Variants in ACACB observed in about 807,000 individuals in gnomAD.
ACACB encodes the protein acetyl-CoA carboxylase beta.
Under a neutral mutation model 278.8 loss-of-function variants are expected in ACACB, and 209 were observed. The ratio of observed to expected loss-of-function variants is 0.75; its 90% CI spans 0.67 to 0.84. The LOEUF (loss-of-function observed/expected upper bound fraction) is 0.84, where lower values mean the gene tolerates loss of function less well. Among genes scored for constraint, ACACB ranks in the 40% least tolerant of loss-of-function variants. The pLI, the probability that ACACB is intolerant of heterozygous loss-of-function variation, is 0.00. For missense variants in ACACB, 2,850 were observed against 3,269.0 expected (o/e 0.87, Z 3.13); for synonymous variants, 1,174 against 1,285.6 (o/e 0.91, Z 1.86).
At position 109,174,065 on chromosome 12, in the gene ACACB, G is replaced by A. The variant is rs543757203; in HGVS notation, c.1118-67G>A. On this transcript the variant is annotated intron_variant, in intron 6 of 52. Coordinates refer to ENST00000338432, the MANE Select transcript of ACACB (RefSeq NM_001093.4). The stretch of plus-strand genomic sequence containing the variant: ...TGGCCCCACCACCGTGCACTCGGTC[G>A]GCCTTCAGCCTCGAGGGTCTTGTGA... The A allele has an allele frequency of 1.1e-4, 156 of 1,396,314 alleles. No individual in the cohort carries two copies. The African/African-American group carries it at 1.4e-3, about 13-fold the overall frequency. 86.5% of individuals were successfully genotyped at this position (1,396,314 alleles called of 1,614,324 possible).
intron 31 of ACACB, among the ~76,000 whole-genome samples, chr12:109,234,773 G>A (rs2046583701): frequency 6.6e-6 from 1 of 151,768 alleles, no homozygotes; most frequent in African/African-American, 2.4e-5. Context: ...GCAGAGGGAG[G>A]GTAACAACGC....
At position 109,199,491 on chromosome 12, in the gene ACACB, C is replaced by CA; in HGVS notation, c.2718dup (p.Gln907ThrfsTer11). ...AGATCCCCCTCGGCTGGGAAGCTGA[C>CA]ACAGTACACAGTGGAGGATGGGGGC... On this transcript the variant is annotated frameshift_variant, in exon 18 of 53. Coordinates refer to ENST00000338432, the MANE Select transcript of ACACB (RefSeq NM_001093.4). LOFTEE classifies it high-confidence loss of function. The CA allele has an allele frequency of 1.3e-6, 2 of 1,563,008 alleles. No homozygotes were observed. Among genetic ancestry groups the CA allele is most frequent in the South Asian group, 2.4e-5 (2 of 83,432 alleles).
At chr12:109,130,770 T>C (rs561948203) in intron 1 of ACACB, among the ~76,000 whole-genome samples, 3 of 152,272 alleles carry the variant, frequency 2.0e-5, no homozygotes, top group South Asian at 4.1e-4. Flanking sequence ...AAAAGGACAT[T>C]GCGCCACTTG....
At chr12:109,139,247 G>A (rs2136018691) in intron 1 of ACACB, 150 bp from the exon 2 acceptor site, 1 of 713,888 alleles carries the variant, frequency 1.4e-6, no homozygotes, top group Non-Finnish European at 2.3e-6. Flanking sequence ...CCTGTTTCAG[G>A]CAGAGCAGGG....
At chr12:109,132,321 C>T (rs1244889977) in intron 1 of ACACB, among the ~76,000 whole-genome samples, 6 of 152,092 alleles carry the variant, frequency 3.9e-5, no homozygotes, top group Admixed American at 2.0e-4. Flanking sequence ...TGCACCACCA[C>T]GCCCAGCTAA....
chr12:109,182,598 G>C (rs925339160), intron 11 of ACACB, among the ~76,000 whole-genome samples: 2 of 151,948 alleles, frequency 1.3e-5, no homozygotes, highest in Admixed American at 6.6e-5. Context: ...TCAAACTCTT[G>C]GGTTCAAGCA....
chr12:109,186,040 C>A (rs770049795), intron 12 of ACACB, among the ~76,000 whole-genome samples: 42 of 152,286 alleles, frequency 2.8e-4, no homozygotes, highest in Admixed American at 9.8e-4. Flanking sequence ...AAGCGATTCT[C>A]CTGCCTCAGT....
intron 22 of ACACB, among the ~76,000 whole-genome samples, chr12:109,215,728 C>T (rs558483932): frequency 2.6e-5 from 4 of 151,778 alleles, no homozygotes; most frequent in South Asian, 4.2e-4. Context: ...ATCGTGCCAC[C>T]GCACTCCAGC....
intron 37 of ACACB, among the ~76,000 whole-genome samples, chr12:109,243,934 C>T (rs1214286730): frequency 6.6e-6 from 1 of 150,856 alleles, no homozygotes; most frequent in East Asian, 1.9e-4. Flanking sequence ...TTCTAGGGTA[C>T]ATGTGCACAA....
At position 109,266,252 on chromosome 12, in the gene ACACB, C is replaced by A. The variant is rs762766039; in HGVS notation, c.7267C>A (p.Pro2423Thr). The A allele has an allele frequency of 1.2e-6, 2 of 1,613,084 alleles. No homozygotes were observed. Among genetic ancestry groups the A allele is most frequent in the Non-Finnish European group, 1.7e-6 (2 of 1,179,618 alleles). Residue 2423 changes from proline (P) to threonine (T), a missense_variant, in exon 53 of 53, where the codon CCC becomes ACC. Coordinates refer to ENST00000338432, the MANE Select transcript of ACACB (RefSeq NM_001093.4). ...CCCCCACAGCCTGGTTGAAGAAAAC[C>A]CCGAGGTGGCCGTGGACTGTGTGAT... is the stretch of plus-strand genomic sequence containing the variant. Reference protein sequence around the residue: ...KTIRGLVEENPEVAVDCVIYL... With the variant: ...KTIRGLVEENTEVAVDCVIYL...
At chr12:109,157,158 G>A (rs566041028) in intron 2 of ACACB, among the ~76,000 whole-genome samples, 164 of 152,182 alleles carry the variant, frequency 1.1e-3, no homozygotes, top group Non-Finnish European at 2.0e-3. Flanking sequence ...GGATTTGGAC[G>A]ATCTAACTTT....
chr12:109,113,829 G>C (rs2042353810), upstream of ACACB, among the ~76,000 whole-genome samples: 1 of 152,198 alleles, frequency 6.6e-6, no homozygotes, highest in Admixed American at 6.5e-5. Context: ...ACTTTGAAAA[G>C]ACCTCACATG....
chr12:109,202,203 G>A (rs1479305888), intron 19 of ACACB, among the ~76,000 whole-genome samples: 1 of 137,058 alleles, frequency 7.3e-6, no homozygotes, highest in Non-Finnish European at 1.6e-5. Flanking sequence ...TTTTAGTATA[G>A]TTTTAGATGT....
intron 7 of ACACB, 75 bp from the exon 8 acceptor site, chr12:109,175,856 G>A: frequency 7.8e-7 from 1 of 1,281,616 alleles, no homozygotes; most frequent in East Asian, 2.3e-5. Flanking sequence ...TCAGCAGGGA[G>A]AGGCGCTGTG....
In ACACB at chr12:109,254,144, C is replaced by T. The variant is rs901495060; in HGVS notation, c.6046-70C>T. 5.3e-5 allele frequency: 84 copies of T among 1,575,918 alleles called. No homozygotes were observed. The South Asian group carries it at 8.9e-4, about 17-fold the overall frequency. On this transcript the variant is annotated intron_variant, in intron 43 of 52. Transcript: ENST00000338432. ...CCAGGCATAATCATAGTCAGAGGAGCAAAGTGCTGATCAGAGGTATTATTG... is the reference window on the plus strand; with the variant it reads ...CCAGGCATAATCATAGTCAGAGGAGTAAAGTGCTGATCAGAGGTATTATTG...
chr12:109,160,020 G>C (rs183685232), intron 2 of ACACB, among the ~76,000 whole-genome samples: 2 of 151,316 alleles, frequency 1.3e-5, no homozygotes, highest in African/African-American at 4.8e-5. Context: ...AATCTGGGAG[G>C]CAGAGGTTGC....
intron 4 of ACACB, 91 bp downstream of exon 4, chr12:109,168,125 C>T: frequency 7.1e-7 from 1 of 1,410,600 alleles, no homozygotes; most frequent in African/African-American, 1.4e-5. Context: ...CCATCCTGGA[C>T]TCCCGATGGT....
At chr12:109,243,685 A>C (rs912233956) in intron 37 of ACACB, among the ~76,000 whole-genome samples, 1 of 152,190 alleles carries the variant, frequency 6.6e-6, no homozygotes, top group Non-Finnish European at 1.5e-5. Flanking sequence ...GAAAGGTAAG[A>C]ATAAGGAAGT....
chr12:109,157,272 G>GTTGTTATTATTATTATTA (rs148495637), intron 2 of ACACB, among the ~76,000 whole-genome samples: 75 of 143,182 alleles, frequency 5.2e-4, no homozygotes, highest in African/African-American at 1.7e-3. Flanking sequence ...TTCTAGAGTT[G>GTTGTTATTATTATTATTA]TTATTATTAT....
Sources: allele counts gnomAD v4.1 joint callset (sites outside exome capture counted in the v4.1 genomes callset), GRCh38; gene constraint gnomAD v4.1.1; transcripts MANE v1.5; gene names NCBI Gene and HGNC (gene_info 2026-07-23, HGNC 2026-07-21).